The following ERBB4 variants were observed in gnomAD, a reference collection of about 807,000 sequenced individuals.
ERBB4 encodes receptor tyrosine-protein kinase erbB-4.
A neutral mutation model predicts 158.0 loss-of-function variants in ERBB4; 42 were observed. The ratio of observed to expected loss-of-function variants is 0.27; its 90% CI spans 0.21 to 0.34. The LOEUF (loss-of-function observed/expected upper bound fraction) is 0.34, where lower values mean the gene tolerates loss of function less well. Among genes scored for constraint, ERBB4 ranks in the 10% least tolerant of loss-of-function variants. ERBB4 has a pLI of 1.00. For missense variants in ERBB4, 1,333 were observed against 1,624.1 expected, an observed-to-expected ratio of 0.82 and a Z score of 3.08; for synonymous variants, 583 against 558.7, an observed-to-expected ratio of 1.04 and a Z score of -0.61.
chr2:211,899,074 T>C (rs1371014784), intron 3 of ERBB4, among the ~76,000 whole-genome samples: 2 of 152,250 alleles, frequency 1.3e-5, no homozygotes, highest in Admixed American at 6.5e-5. Flanking sequence ...ATGAGTCAAT[T>C]TGGGCATTTG....
At chr2:211,507,334 G>A (rs2065776744) in intron 20 of ERBB4, among the ~76,000 whole-genome samples, 1 of 152,102 alleles carries the variant, frequency 6.6e-6, no homozygotes, top group Admixed American at 6.6e-5. Flanking sequence ...AATCAAGGAT[G>A]AGGAATTCCT....
At chr2:211,856,667 G>A (rs548423653) in intron 3 of ERBB4, among the ~76,000 whole-genome samples, 2 of 152,188 alleles carry the variant, frequency 1.3e-5, no homozygotes, top group South Asian at 2.1e-4. Context: ...GATTACAGGC[G>A]TGAGCCACTG....
intron 1 of ERBB4, among the ~76,000 whole-genome samples, chr2:212,515,376 A>C (rs114384718): frequency 0.011 from 1,599 of 152,274 alleles, 13 homozygotes; most frequent in Middle Eastern, 0.041. Context: ...AAATTTGAGG[A>C]AAAAGGAAAG....
chr2:212,379,788 TTCTC>T (rs2090443105), intron 1 of ERBB4, among the ~76,000 whole-genome samples: 1 of 151,274 alleles, frequency 6.6e-6, no homozygotes, highest in South Asian at 2.1e-4. Flanking sequence ...TATTTTTCTT[TTCTC>T]TCTCTCCTCT....
chr2:212,513,329 G>A (rs112522464), intron 1 of ERBB4, among the ~76,000 whole-genome samples: 1,949 of 152,198 alleles, frequency 0.013, 43 homozygotes, highest in African/African-American at 0.044. Flanking sequence ...ATACTGAGAT[G>A]ATAAAAAATA....
intron 25 of ERBB4, among the ~76,000 whole-genome samples, chr2:211,409,164 TA>T (rs1449323274): frequency 2.0e-5 from 3 of 152,092 alleles, no homozygotes; most frequent in African/African-American, 7.2e-5. Flanking sequence ...ATTATATATA[TA>T]TTTTTAACCA....
rs541171393 is a variant in ERBB4, at chr2:211,382,267, C to T, written c.*1348G>A. Reference sequence around the variant, plus strand: ...ATTCAAGCCAATCCTTACTCGCATTCCTTCTTACGAAGTATACGAACTGAA... The same window carrying T: ...ATTCAAGCCAATCCTTACTCGCATTTCTTCTTACGAAGTATACGAACTGAA... On this transcript the variant is annotated 3_prime_UTR_variant, in exon 28 of 28. Coordinates refer to ENST00000342788, the MANE Select transcript of ERBB4 (RefSeq NM_005235.3). 4.7e-4 allele frequency: 110 copies of T among 232,010 alleles called. No homozygotes were observed. Among genetic ancestry groups the T allele is most frequent in the African/African-American group, 2.3e-3 (103 of 45,406 alleles). 14.4% of individuals were successfully genotyped at this position (232,010 alleles called of 1,614,324 possible). A position where few individuals can be genotyped will look rare whatever the true frequency, so the allele number is the denominator to read the frequency against.
chr2:212,247,218 T>C (rs1295149542), intron 1 of ERBB4, among the ~76,000 whole-genome samples: 2 of 152,150 alleles, frequency 1.3e-5, no homozygotes, highest in African/African-American at 2.4e-5. Flanking sequence ...AATTAGTATC[T>C]GATATTTACC....
intron 1 of ERBB4, among the ~76,000 whole-genome samples, chr2:212,190,903 C>T (rs2082169218): frequency 6.6e-6 from 1 of 152,078 alleles, no homozygotes; most frequent in Admixed American, 6.5e-5. Flanking sequence ...TTTGAAAACA[C>T]ACATACGCTC....
intron 9 of ERBB4, among the ~76,000 whole-genome samples, chr2:211,711,177 T>A (rs1276848179): frequency 6.6e-6 from 1 of 152,184 alleles, no homozygotes; most frequent in African/African-American, 2.4e-5. Context: ...ATAATTGATT[T>A]GAATGAAAAG....
intron 2 of ERBB4, among the ~76,000 whole-genome samples, chr2:212,012,514 C>G (rs1452837611): frequency 1.3e-5 from 2 of 151,160 alleles, no homozygotes; most frequent in Admixed American, 1.3e-4. Flanking sequence ...CCTCCAAGCT[C>G]AAGCAATTCT....
chr2:212,331,168 GACAGACC>G (rs2088148704), intron 1 of ERBB4, among the ~76,000 whole-genome samples: 1 of 147,264 alleles, frequency 6.8e-6, no homozygotes, highest in Admixed American at 7.1e-5. Context: ...AACACTTATT[GACAGACC>G]ACATAATGAT....
intron 2 of ERBB4, among the ~76,000 whole-genome samples, chr2:212,104,390 C>A (rs2079165993): frequency 6.6e-6 from 1 of 152,024 alleles, no homozygotes; most frequent in African/African-American, 2.4e-5. Context: ...TCTGTATTAT[C>A]CCATACATGT....
intron 20 of ERBB4, among the ~76,000 whole-genome samples, chr2:211,542,687 C>A (rs990864017): frequency 1.3e-5 from 2 of 151,706 alleles, no homozygotes; most frequent in African/African-American, 4.8e-5. Flanking sequence ...AAATTTCCAC[C>A]TAGTTTTTTG....
At chr2:211,623,717 T>G (rs1211417247) in intron 18 of ERBB4, among the ~76,000 whole-genome samples, 2 of 152,156 alleles carry the variant, frequency 1.3e-5, no homozygotes, top group Non-Finnish European at 2.9e-5. Context: ...AGTTTCTTGC[T>G]TTTCTCTCAA....
intron 3 of ERBB4, among the ~76,000 whole-genome samples, chr2:211,835,565 G>T (rs971877801): frequency 3.9e-5 from 6 of 152,020 alleles, no homozygotes; most frequent in African/African-American, 1.4e-4. Flanking sequence ...TCAATATGAA[G>T]TCACATTCAG....
At chr2:211,805,876 T>G (rs1221547365) in intron 3 of ERBB4, among the ~76,000 whole-genome samples, 1 of 151,614 alleles carries the variant, frequency 6.6e-6, no homozygotes, top group Non-Finnish European at 1.5e-5. Flanking sequence ...ATGTCATATC[T>G]GATAAAATAT....
intron 1 of ERBB4, among the ~76,000 whole-genome samples, chr2:212,238,637 T>C (rs1355293828): frequency 6.6e-6 from 1 of 152,150 alleles, no homozygotes; most frequent in African/African-American, 2.4e-5. Flanking sequence ...ATTTATAACA[T>C]AGCTTTTCCA....
chr2:211,490,377 C>T (rs1398662428), intron 20 of ERBB4, among the ~76,000 whole-genome samples: 1 of 151,990 alleles, frequency 6.6e-6, no homozygotes, highest in Non-Finnish European at 1.5e-5. Context: ...GATAGCCTTT[C>T]TTTCCCACTA....
Sources: gnomAD v4.1 joint callset for allele counts (sites outside exome capture counted in the v4.1 genomes callset) on GRCh38, gnomAD v4.1.1 for gene constraint, MANE v1.5 for transcripts, NCBI Gene and HGNC (gene_info 2026-07-23, HGNC 2026-07-21) for gene names.